LRRC4C: variants seen among roughly 807,000 people sequenced by gnomAD.
The protein encoded by LRRC4C is leucine rich repeat containing 4C, also known as leucine-rich repeat-containing protein 4C.
In LRRC4C, 5 loss-of-function variants were observed where a neutral mutation model predicts 33.6. That is an observed-to-expected ratio of 0.15 (90% CI 0.08 to 0.31). LRRC4C has a LOEUF of 0.31. Ranked by LOEUF, LRRC4C falls within the 10% of genes least tolerant of loss-of-function variation. The pLI is 1.00. For missense variants in LRRC4C, 560 were observed against 796.7 expected, an observed-to-expected ratio of 0.70 and a Z score of 3.58; for synonymous variants, 329 against 302.0, an observed-to-expected ratio of 1.09 and a Z score of -0.93.
intron 1 of LRRC4C, among the ~76,000 whole-genome samples, chr11:41,392,857 A>G (rs974232029): frequency 6.6e-6 from 1 of 151,926 alleles, no homozygotes; most frequent in Non-Finnish European, 1.5e-5. Flanking sequence ...GTCTTCTGAG[A>G]GAGCAAAAGC....
chr11:40,688,316 G>T (rs1162347852), intron 2 of LRRC4C, among the ~76,000 whole-genome samples: 1 of 152,040 alleles, frequency 6.6e-6, no homozygotes, highest in Non-Finnish European at 1.5e-5. Flanking sequence ...TCCCTTGTTA[G>T]CTTTACCTGT....
intron 1 of LRRC4C, among the ~76,000 whole-genome samples, chr11:41,140,171 T>C (rs1441071764): frequency 6.6e-6 from 1 of 152,130 alleles, no homozygotes; most frequent in Non-Finnish European, 1.5e-5. Context: ...ATTAAGATGA[T>C]GTATGTAGTA....
intron 2 of LRRC4C, among the ~76,000 whole-genome samples, chr11:40,722,273 C>T (rs1363128688): frequency 6.6e-6 from 1 of 152,014 alleles, no homozygotes; most frequent in Non-Finnish European, 1.5e-5. Context: ...GAATGGGAGT[C>T]ATCTCTCGCT....
At chr11:40,231,494 A>G (rs1022689520) in intron 5 of LRRC4C, among the ~76,000 whole-genome samples, 1 of 152,156 alleles carries the variant, frequency 6.6e-6, no homozygotes, top group African/African-American at 2.4e-5. Context: ...TGCAATGAAA[A>G]CTATATTTTA....
At chr11:41,170,991 A>G (rs1306273706) in intron 1 of LRRC4C, among the ~76,000 whole-genome samples, 2 of 152,092 alleles carry the variant, frequency 1.3e-5, no homozygotes, top group South Asian at 4.1e-4. Context: ...CAGCCAAAAA[A>G]CACATGAAAA....
chr11:40,342,010 AC>A (rs1026643178), intron 3 of LRRC4C, among the ~76,000 whole-genome samples: 2 of 151,772 alleles, frequency 1.3e-5, no homozygotes, highest in African/African-American at 4.8e-5. Flanking sequence ...AAAAAAAAAA[AC>A]AAAATAAGTC....
chr11:40,860,234 A>C (rs1591917494), intron 2 of LRRC4C, among the ~76,000 whole-genome samples: 1 of 152,168 alleles, frequency 6.6e-6, no homozygotes, highest in African/African-American at 2.4e-5. Flanking sequence ...TTCCACAGAG[A>C]CAGACAGCAG....
chr11:40,509,471 T>C (rs568474254), intron 3 of LRRC4C, among the ~76,000 whole-genome samples: 1 of 152,228 alleles, frequency 6.6e-6, no homozygotes, highest in African/African-American at 2.4e-5. Flanking sequence ...GATTTTACTG[T>C]ATGCTGGTTT....
At chr11:40,599,846 T>C (rs1310931282) in intron 3 of LRRC4C, among the ~76,000 whole-genome samples, 1 of 152,032 alleles carries the variant, frequency 6.6e-6, no homozygotes, top group Non-Finnish European at 1.5e-5. Flanking sequence ...AGGGCAGAAA[T>C]AAGAATAAGA....
intron 2 of LRRC4C, among the ~76,000 whole-genome samples, chr11:40,803,240 C>T (rs1231851544): frequency 6.6e-6 from 1 of 152,170 alleles, no homozygotes; most frequent in Non-Finnish European, 1.5e-5. Flanking sequence ...TCTTATTTCA[C>T]ATATGAGGAA....
chr11:41,112,351 G>C (rs1941881436), intron 1 of LRRC4C, among the ~76,000 whole-genome samples: 1 of 152,086 alleles, frequency 6.6e-6, no homozygotes, highest in Non-Finnish European at 1.5e-5. Context: ...GACAGCCCAA[G>C]ATAGGAAAGC....
At chr11:40,722,258 A>T (rs1947054826) in intron 2 of LRRC4C, among the ~76,000 whole-genome samples, 1 of 152,064 alleles carries the variant, frequency 6.6e-6, no homozygotes, top group Non-Finnish European at 1.5e-5. Context: ...AGTTTTATGG[A>T]CTTGGAATGG....
intron 1 of LRRC4C, among the ~76,000 whole-genome samples, chr11:40,991,986 G>A (rs905395952): frequency 1.3e-5 from 2 of 152,056 alleles, no homozygotes; most frequent in Non-Finnish European, 2.9e-5. Context: ...AGGGGTTGGG[G>A]GTGCCTGATG....
At chr11:40,405,177 C>T (rs11035824) in intron 3 of LRRC4C, among the ~76,000 whole-genome samples, 1 of 151,484 alleles carries the variant, frequency 6.6e-6, no homozygotes, top group Non-Finnish European at 1.5e-5. Context: ...TACAAATGAG[C>T]TCATGCAATA....
At chr11:41,168,979 G>T (rs1324588266) in intron 1 of LRRC4C, among the ~76,000 whole-genome samples, 1 of 152,138 alleles carries the variant, frequency 6.6e-6, no homozygotes, top group Non-Finnish European at 1.5e-5. Flanking sequence ...TTCGCAAGGA[G>T]ATTGTGAAAT....
intron 3 of LRRC4C, among the ~76,000 whole-genome samples, chr11:40,356,118 GTT>G (rs955266359): frequency 6.6e-6 from 1 of 152,100 alleles, no homozygotes; most frequent in Non-Finnish European, 1.5e-5. Context: ...TGTAAAGTCA[GTT>G]TGATGATGAA....
chr11:41,455,390 T>C (rs1439920010), intron 1 of LRRC4C, among the ~76,000 whole-genome samples: 1 of 152,084 alleles, frequency 6.6e-6, no homozygotes, highest in Admixed American at 6.6e-5. Context: ...CTATTTTTCA[T>C]GAAACTAAAA....
chr11:41,314,814 TAAGTA>T (rs1448119343), intron 1 of LRRC4C, among the ~76,000 whole-genome samples: 3 of 151,930 alleles, frequency 2.0e-5, no homozygotes, highest in Admixed American at 6.6e-5. Context: ...AAAAAAACTA[TAAGTA>T]AAGAGACGAC....
intron 4 of LRRC4C, among the ~76,000 whole-genome samples, chr11:40,266,342 C>A (rs182173472): frequency 9.9e-5 from 15 of 151,774 alleles, no homozygotes; most frequent in African/African-American, 3.1e-4. Flanking sequence ...AAGGCGGCGG[C>A]GAATGTGGTG....
Sources: gnomAD v4.1 joint callset for allele counts (sites outside exome capture counted in the v4.1 genomes callset) on GRCh38, gnomAD v4.1.1 for gene constraint, MANE v1.5 for transcripts, NCBI Gene and HGNC (gene_info 2026-07-23, HGNC 2026-07-21) for gene names.